MAP2K6: variants seen among roughly 807,000 people sequenced by gnomAD.
The protein encoded by MAP2K6 is dual specificity mitogen-activated protein kinase kinase 6.
Under a neutral mutation model 53.7 loss-of-function variants are expected in MAP2K6, and 16 were observed. That is an observed-to-expected ratio of 0.30 (90% confidence interval 0.20 to 0.45). The LOEUF is 0.45. Ranked by LOEUF, MAP2K6 falls within the 20% of genes least tolerant of loss-of-function variation. The pLI, the probability that MAP2K6 is intolerant of heterozygous loss-of-function variation, is 1.00. For missense variants in MAP2K6, 204 were observed against 411.9 expected, an observed-to-expected ratio of 0.50 and a Z score of 4.37; for synonymous variants, 132 against 143.1, an observed-to-expected ratio of 0.92 and a Z score of 0.55.
chr17:69,532,013 C>T (rs181755225), intron 10 of MAP2K6, among the ~76,000 whole-genome samples: 18 of 152,302 alleles, frequency 1.2e-4, no homozygotes, highest in Admixed American at 3.9e-4. Flanking sequence ...AGTCAACTGC[C>T]GAGTGCCAGA....
chr17:69,478,211 T>A (rs1269800353), intron 1 of MAP2K6, among the ~76,000 whole-genome samples: 1 of 152,216 alleles, frequency 6.6e-6, no homozygotes, highest in African/African-American at 2.4e-5. Flanking sequence ...GAAGGAGCTA[T>A]AGACAACTTC....
chr17:69,446,159 T>C (rs1033937723), intron 1 of MAP2K6, among the ~76,000 whole-genome samples: 2 of 152,214 alleles, frequency 1.3e-5, no homozygotes, highest in African/African-American at 4.8e-5. Flanking sequence ...ATTGCTGTAG[T>C]CTCTTCTGGT....
intron 1 of MAP2K6, among the ~76,000 whole-genome samples, chr17:69,470,618 C>T (rs557055896): frequency 6.6e-6 from 1 of 152,316 alleles, no homozygotes; most frequent in African/African-American, 2.4e-5. Flanking sequence ...GAAGTGCCAT[C>T]TCATGGCTTT....
At chr17:69,489,508 C>T (rs1908666020) in intron 1 of MAP2K6, among the ~76,000 whole-genome samples, 1 of 152,208 alleles carries the variant, frequency 6.6e-6, no homozygotes, top group Admixed American at 6.5e-5. Flanking sequence ...TTTTGACACC[C>T]TGAGTTATGG....
chr17:69,449,244 T>C (rs1423304675), intron 1 of MAP2K6, among the ~76,000 whole-genome samples: 1 of 152,208 alleles, frequency 6.6e-6, no homozygotes, highest in East Asian at 1.9e-4. Context: ...TTAATACTAG[T>C]ATTATATGCT....
intron 7 of MAP2K6, among the ~76,000 whole-genome samples, chr17:69,523,134 C>A (rs1048448704): frequency 5.9e-5 from 9 of 152,154 alleles, no homozygotes; most frequent in African/African-American, 2.2e-4. Flanking sequence ...CACAGTCTGC[C>A]TTTTTGTTCT....
rs189471840 is a variant in MAP2K6, at chr17:69,442,206, G to A, written c.16+27206G>A. ...GTTTGATTATTCCTTCTGTTACCTC[G>A]ACTCCTTCTTCATCTTTTACCTTCC... is the stretch of plus-strand genomic sequence containing the variant. On this transcript the variant is annotated intron_variant, in intron 1 of 11. Coordinates refer to ENST00000590474, the MANE Select transcript of MAP2K6 (RefSeq NM_002758.4). 4.2e-4 allele frequency among the ~76,000 whole-genome samples: 64 copies of A among 151,962 alleles called. 1 individual carries two copies. The highest frequency in any genetic ancestry group is 5.8e-4 in the East Asian group (3 of 5,172).
chr17:69,463,359 A>G (rs1192805633), intron 1 of MAP2K6, among the ~76,000 whole-genome samples: 2 of 149,756 alleles, frequency 1.3e-5, no homozygotes, highest in African/African-American at 2.4e-5. Flanking sequence ...TCACTAATAT[A>G]CATATATGTA....
chr17:69,546,087 A>G lies in MAP2K6; in HGVS notation c.*4334A>G, dbSNP rs563382039. 39 of 152,046 alleles carry G rather than the reference A, an allele frequency of 2.6e-4. No individual in the cohort carries two copies. The highest frequency in any genetic ancestry group is 9.4e-4 in the African/African-American group (39 of 41,478). The allele number at this position is 152,046 out of a possible 1,614,324, so 9.4% of individuals were successfully genotyped here. The stretch of plus-strand genomic sequence containing the variant: ...TGTGTGTTCTGTGGTACCTTGGAAT[A>G]GCTCAGTACATAATTTGGGGACCAC... On this transcript the variant is annotated 3_prime_UTR_variant, in exon 12 of 12. Coordinates refer to ENST00000590474, the MANE Select transcript of MAP2K6 (RefSeq NM_002758.4).
intron 1 of MAP2K6, among the ~76,000 whole-genome samples, chr17:69,447,254 C>T (rs1355285947): frequency 6.6e-6 from 1 of 152,112 alleles, no homozygotes; most frequent in African/African-American, 2.4e-5. Flanking sequence ...GTTGGAATTA[C>T]AGGTGTGAGC....
rs537052543 is a variant in MAP2K6 at position 69,425,399 on chromosome 17, G to A, written c.16+10399G>A. The stretch of plus-strand genomic sequence containing the variant: ...GCTATCTCAGCTCACTGCAACCTCC[G>A]CCTCCCGGGTTCAAGTGATTCTCCT... On this transcript the variant is annotated intron_variant, in intron 1 of 11. Coordinates refer to ENST00000590474, the MANE Select transcript of MAP2K6 (RefSeq NM_002758.4). 1.1e-4 allele frequency among the ~76,000 whole-genome samples: 16 copies of A among 151,650 alleles called. No individual in the cohort carries two copies. The South Asian group carries it at 2.9e-3, about 28-fold the overall frequency.
chr17:69,418,152 T>C (rs1425915981), intron 1 of MAP2K6, among the ~76,000 whole-genome samples: 1 of 152,202 alleles, frequency 6.6e-6, no homozygotes, highest in Non-Finnish European at 1.5e-5. Context: ...TGAGCCAGTA[T>C]GTTTTATAAC....
chr17:69,430,409 A>G (rs7226269), intron 1 of MAP2K6, among the ~76,000 whole-genome samples: 8,961 of 152,296 alleles, frequency 0.059, 885 homozygotes, highest in African/African-American at 0.21. Flanking sequence ...AAGAGATTCA[A>G]GAAACTATGC....
intron 8 of MAP2K6, 90 bp from the exon 9 acceptor site, chr17:69,524,811 C>T: frequency 1.1e-6 from 1 of 919,342 alleles, no homozygotes; most frequent in Non-Finnish European, 1.8e-6. Context: ...CACTTGGCAG[C>T]TGGTGCTACC....
At chr17:69,517,681 C>A in intron 4 of MAP2K6, 68 bp downstream of exon 4, 1 of 1,081,302 alleles carries the variant, frequency 9.2e-7, no homozygotes, top group Non-Finnish European at 1.3e-6. Context: ...CAATTGTCAA[C>A]CAGCCCTTTT....
In MAP2K6 at chr17:69,449,531, G is replaced by GTCTTTCTT. The variant is rs1229807133; in HGVS notation, c.16+34553_16+34560dup. Among the ~76,000 whole-genome samples the GTCTTTCTT allele has an allele frequency of 3.2e-3, 327 of 103,378 alleles. 4 individuals carry two copies. The highest frequency in any genetic ancestry group is 0.013 in the African/African-American group (278 of 21,488). 67.8% of individuals were successfully genotyped at this position (103,378 alleles called of 152,430 possible). A position where few individuals can be genotyped will look rare whatever the true frequency, so the allele number is the denominator to read the frequency against. On this transcript the variant is annotated intron_variant, in intron 1 of 11. Transcript: ENST00000590474. Reference sequence around the variant, plus strand: ...TTTCTTTCTTTGTCTTTCTTTCTTTGTCTTTCTTTCTTTCTTTCTTTCTTT... The same window carrying GTCTTTCTT: ...TTTCTTTCTTTGTCTTTCTTTCTTTGTCTTTCTTTCTTTCTTTCTTTCTTTCTTTCTTT...
Position 69,552,136 on chromosome 17 carries a change from G to C in MAP2K6, c.*10383G>C, listed in dbSNP as rs1912124350. 6.6e-6 allele frequency: 1 copy of C among 152,212 alleles called. No individual in the cohort carries two copies. The allele number at this position is 152,212 out of a possible 1,614,324, so 9.4% of individuals were successfully genotyped here. On this transcript the variant is annotated 3_prime_UTR_variant, in exon 12 of 12. Transcript: ENST00000590474. Reference sequence around the variant, plus strand: ...TGTATATATGATTGATTGTTTGCCTGTTGCACCCTAAAGTTATTTTCAAAC... The same window carrying C: ...TGTATATATGATTGATTGTTTGCCTCTTGCACCCTAAAGTTATTTTCAAAC...
chr17:69,480,235 T>C (rs1456130866), intron 1 of MAP2K6, among the ~76,000 whole-genome samples: 1 of 152,228 alleles, frequency 6.6e-6, no homozygotes, highest in South Asian at 2.1e-4. Flanking sequence ...TCATGTTCTT[T>C]AACTTTCGTT....
At chr17:69,474,403 T>C (rs1166128895) in intron 1 of MAP2K6, among the ~76,000 whole-genome samples, 2 of 152,200 alleles carry the variant, frequency 1.3e-5, no homozygotes, top group Admixed American at 1.3e-4. Flanking sequence ...ATTTGGATGA[T>C]TGTTTTATAG....
Sources: allele counts gnomAD v4.1 joint callset (sites outside exome capture counted in the v4.1 genomes callset), GRCh38; gene constraint gnomAD v4.1.1; transcripts MANE v1.5; gene names NCBI Gene and HGNC (gene_info 2026-07-23, HGNC 2026-07-21).